Variants in FMN1 observed in about 807,000 individuals in gnomAD.
FMN1 encodes formin 1, also known as formin-1.
A neutral mutation model predicts 132.4 loss-of-function variants in FMN1; 110 were observed. The observed-to-expected ratio is 0.83, with a 90% CI of 0.71 to 0.97. The LOEUF is 0.97. Among genes scored for constraint, FMN1 ranks in the 50% least tolerant of loss-of-function variants. The pLI is 0.00. For missense variants in FMN1, 1,792 were observed against 1,705.3 expected, an observed-to-expected ratio of 1.05 and a Z score of -0.90; for synonymous variants, 722 against 651.7, an observed-to-expected ratio of 1.11 and a Z score of -1.64.
intron 7 of FMN1, among the ~76,000 whole-genome samples, chr15:32,981,336 GA>G (rs1324718191): frequency 3.3e-5 from 5 of 151,360 alleles, no homozygotes; most frequent in Non-Finnish European, 5.9e-5. Flanking sequence ...CTAAAAATAC[GA>G]AAAAAATTAG....
rs957301978 is a variant in FMN1, at chr15:32,766,914, G to A, written c.*7396C>T. 1 of 152,266 alleles carries A rather than the reference G, an allele frequency of 6.6e-6. No individual in the cohort carries two copies. The highest frequency in any genetic ancestry group is 6.5e-5 in the Admixed American group (1 of 15,284). The allele number at this position is 152,266 out of a possible 1,614,324, so 9.4% of individuals were successfully genotyped here. A position where few individuals can be genotyped will look rare whatever the true frequency, so the allele number is the denominator to read the frequency against. On this transcript the variant is annotated 3_prime_UTR_variant, in exon 21 of 21. Transcript: ENST00000616417. ...GTGAAACAAAGCTAGAAGTCAAAAT[G>A]ACTTTTGAACAGGCATGGAGTAAAC...
At chr15:33,018,453 T>C (rs1321035354) in intron 6 of FMN1, among the ~76,000 whole-genome samples, 1 of 152,022 alleles carries the variant, frequency 6.6e-6, no homozygotes. Context: ...GGCCAATGAT[T>C]TCATCACCCA....
rs530260780 is a variant in FMN1 at position 32,921,181 on chromosome 15, C to A, written c.3226+4993G>T. ...GGGTGGGAGGACCTAGGCAGGCTCTCCTAGGAGGTGACATTTAAGCTGAAA... is the reference window on the plus strand; with the variant it reads ...GGGTGGGAGGACCTAGGCAGGCTCTACTAGGAGGTGACATTTAAGCTGAAA... On this transcript the variant is annotated intron_variant, in intron 10 of 20. Coordinates refer to ENST00000616417, the MANE Select transcript of FMN1 (RefSeq NM_001277313.2). 3.3e-5 allele frequency among the ~76,000 whole-genome samples: 5 copies of A among 152,188 alleles called. No homozygotes were observed. The South Asian group carries it at 1.0e-3, about 32-fold the overall frequency.
intron 7 of FMN1, among the ~76,000 whole-genome samples, chr15:32,989,354 A>C (rs1184512606): frequency 2.0e-5 from 3 of 152,206 alleles, no homozygotes; most frequent in Non-Finnish European, 4.4e-5. Flanking sequence ...CCGAGGAGGA[A>C]GCCTTAGGGA....
chr15:32,811,091 C>T, intron 17 of FMN1: 1 of 456,828 alleles, frequency 2.2e-6, no homozygotes, highest in Non-Finnish European at 4.4e-6. Flanking sequence ...GCACAGCACG[C>T]TGACATCGGA....
chr15:33,071,850 T>A (rs577428419), intron 5 of FMN1, among the ~76,000 whole-genome samples: 76 of 152,308 alleles, frequency 5.0e-4, no homozygotes, highest in African/African-American at 1.8e-3. Context: ...TCTTGAAAAA[T>A]GAATCTCTTT....
chr15:33,111,700 A>AT (rs1183801886), intron 4 of FMN1, among the ~76,000 whole-genome samples: 4 of 152,174 alleles, frequency 2.6e-5, no homozygotes, highest in Admixed American at 6.6e-5. Flanking sequence ...AGACCACAAT[A>AT]TTGCATGATA....
intron 7 of FMN1, among the ~76,000 whole-genome samples, chr15:32,977,080 T>C (rs1365522553): frequency 2.0e-5 from 3 of 152,232 alleles, no homozygotes; most frequent in Non-Finnish European, 4.4e-5. Context: ...TAAATTGATA[T>C]CCAGTAATAC....
In FMN1 at chr15:32,936,891, T is replaced by C. The variant is rs867532282; in HGVS notation, c.3139-10630A>G. Reference sequence around the variant, plus strand: ...CCATGTGGGAGAAGCTGCTGAGCTGTATTGGCCTCTGTCTACTGTACTGCA... The same window carrying C: ...CCATGTGGGAGAAGCTGCTGAGCTGCATTGGCCTCTGTCTACTGTACTGCA... On this transcript the variant is annotated intron_variant, in intron 9 of 20. Transcript: ENST00000616417. Among the ~76,000 whole-genome samples, 10 of 152,304 alleles carry C rather than the reference T, an allele frequency of 6.6e-5. No homozygotes were observed. In the Middle Eastern group the frequency reaches 0.01, roughly 155 times the overall value.
At chr15:33,027,741 A>T (rs2035749285) in intron 6 of FMN1, among the ~76,000 whole-genome samples, 1 of 152,228 alleles carries the variant, frequency 6.6e-6, no homozygotes, top group Admixed American at 6.5e-5. Context: ...ATAAAAGAAC[A>T]AATGAAATGG....
chr15:32,835,682 G>T (rs1030594490), intron 17 of FMN1, among the ~76,000 whole-genome samples: 1 of 152,072 alleles, frequency 6.6e-6, no homozygotes, highest in Non-Finnish European at 1.5e-5. Flanking sequence ...TCCTTCTTAA[G>T]TGTAACTTTG....
chr15:33,069,993 C>CTCTCTCTTTTTTT, intron 5 of FMN1, among the ~76,000 whole-genome samples: 1 of 74,292 alleles, frequency 1.3e-5, no homozygotes, highest in Non-Finnish European at 2.5e-5. Flanking sequence ...CAGTCTTTCT[C>CTCTCTCTTTTTTT]TTTTTTTTTT....
At chr15:33,073,975 C>T (rs938427426) in intron 5 of FMN1, among the ~76,000 whole-genome samples, 1 of 152,162 alleles carries the variant, frequency 6.6e-6, no homozygotes, top group Admixed American at 6.5e-5. Context: ...AAGTAATCTG[C>T]CCACCTCGGC....
intron 4 of FMN1, among the ~76,000 whole-genome samples, chr15:33,128,304 G>C (rs1049681277): frequency 1.3e-5 from 2 of 152,172 alleles, no homozygotes; most frequent in Admixed American, 6.5e-5. Context: ...CATGGCTGCT[G>C]ACTAGGCCCG....
chr15:33,118,134 C>A (rs1021411596), intron 4 of FMN1, among the ~76,000 whole-genome samples: 6 of 152,102 alleles, frequency 3.9e-5, no homozygotes, highest in African/African-American at 1.4e-4. Context: ...TATGGAATGC[C>A]AATACACCAC....
chr15:32,923,141 G>A (rs1057150852), intron 10 of FMN1, among the ~76,000 whole-genome samples: 6 of 152,198 alleles, frequency 3.9e-5, no homozygotes, highest in African/African-American at 1.4e-4. Context: ...CAGGGCTGAA[G>A]AACACCCTCT....
intron 15 of FMN1, among the ~76,000 whole-genome samples, chr15:32,890,376 T>C (rs1469979749): frequency 3.3e-5 from 5 of 152,252 alleles, no homozygotes; most frequent in Admixed American, 3.3e-4. Flanking sequence ...TGTACAAGTT[T>C]ACATTCCCAC....
At chr15:33,014,578 T>C (rs774286649) in intron 6 of FMN1, among the ~76,000 whole-genome samples, 27 of 152,202 alleles carry the variant, frequency 1.8e-4, no homozygotes, top group South Asian at 4.1e-4. Flanking sequence ...AAAACAATAA[T>C]GTAGTCCATG....
intron 9 of FMN1, among the ~76,000 whole-genome samples, chr15:32,950,151 C>T (rs1371422645): frequency 1.4e-5 from 2 of 145,060 alleles, no homozygotes. Flanking sequence ...CCATCTTACA[C>T]CAGTCAGAAT....
Sources: gnomAD v4.1 joint callset for allele counts (sites outside exome capture counted in the v4.1 genomes callset) on GRCh38, gnomAD v4.1.1 for gene constraint, MANE v1.5 for transcripts, NCBI Gene and HGNC (gene_info 2026-07-23, HGNC 2026-07-21) for gene names.